The following DYNC1I1 variants were observed in gnomAD, a reference collection of about 807,000 sequenced individuals.
DYNC1I1 encodes the protein cytoplasmic dynein 1 intermediate chain 1.
Under a neutral mutation model 86.6 loss-of-function variants are expected in DYNC1I1, and 43 were observed. The observed-to-expected ratio is 0.50, with a 90% confidence interval of 0.39 to 0.64. The LOEUF is 0.64. Ranked by LOEUF, DYNC1I1 falls within the 30% of genes least tolerant of loss-of-function variation. The pLI is 0.00. For missense variants in DYNC1I1, 604 were observed against 788.8 expected (o/e 0.77, Z 2.81); for synonymous variants, 262 against 283.7 (o/e 0.92, Z 0.77).
At chr7:95,831,105 G>A (rs1584260020) in intron 5 of DYNC1I1, among the ~76,000 whole-genome samples, 1 of 151,966 alleles carries the variant, frequency 6.6e-6, no homozygotes, top group African/African-American at 2.4e-5. Flanking sequence ...AAAGTTCTTC[G>A]TATGTTCTGG....
At chr7:96,025,126 C>G (rs915304123) in intron 10 of DYNC1I1, among the ~76,000 whole-genome samples, 3 of 152,066 alleles carry the variant, frequency 2.0e-5, no homozygotes, top group Non-Finnish European at 4.4e-5. Context: ...TGTTGGCCAC[C>G]ATTACATCAA....
intron 5 of DYNC1I1, among the ~76,000 whole-genome samples, chr7:95,839,707 T>C (rs1397276846): frequency 1.3e-5 from 2 of 152,230 alleles, no homozygotes; most frequent in African/African-American, 4.8e-5. Flanking sequence ...AATCCTTTCA[T>C]TTCAAGTTGA....
chr7:96,045,970 G>A (rs184600810), intron 14 of DYNC1I1, among the ~76,000 whole-genome samples: 2 of 152,318 alleles, frequency 1.3e-5, no homozygotes, highest in Admixed American at 6.5e-5. Flanking sequence ...AATGAGGTTA[G>A]CATGAAGGGA....
At chr7:96,065,718 G>A (rs891935789) in intron 14 of DYNC1I1, among the ~76,000 whole-genome samples, 8 of 152,002 alleles carry the variant, frequency 5.3e-5, no homozygotes, top group African/African-American at 1.5e-4. Flanking sequence ...ACAGCACCTC[G>A]TGTGACTGAT....
At chr7:96,016,973 C>T (rs1196618438) in intron 10 of DYNC1I1, among the ~76,000 whole-genome samples, 1 of 152,138 alleles carries the variant, frequency 6.6e-6, no homozygotes, top group Non-Finnish European at 1.5e-5. Flanking sequence ...TTCTCAGAAA[C>T]CCCAAACATT....
At chr7:96,029,456 A>G (rs971336242) in intron 11 of DYNC1I1, among the ~76,000 whole-genome samples, 2 of 152,170 alleles carry the variant, frequency 1.3e-5, no homozygotes, top group Admixed American at 6.5e-5. Flanking sequence ...TGAAATTTCC[A>G]AAATTGTAAA....
At chr7:95,954,589 A>C (rs944953068) in intron 6 of DYNC1I1, among the ~76,000 whole-genome samples, 5 of 152,016 alleles carry the variant, frequency 3.3e-5, no homozygotes, top group Non-Finnish European at 7.4e-5. Context: ...TAATATTCTG[A>C]CTTTATGTTA....
chr7:96,034,334 C>A (rs1385424164), intron 12 of DYNC1I1, among the ~76,000 whole-genome samples: 1 of 152,044 alleles, frequency 6.6e-6, no homozygotes, highest in African/African-American at 2.4e-5. Flanking sequence ...TAAGAGCAAG[C>A]CCACTATTTA....
At chr7:95,912,233 C>T (rs1055566549) in intron 6 of DYNC1I1, among the ~76,000 whole-genome samples, 3 of 152,146 alleles carry the variant, frequency 2.0e-5, no homozygotes, top group Non-Finnish European at 4.4e-5. Context: ...GAGGGGGTTT[C>T]ACCATGTTGG....
chr7:95,971,389 A>T (rs377043431), intron 6 of DYNC1I1, among the ~76,000 whole-genome samples: 1 of 152,360 alleles, frequency 6.6e-6, no homozygotes, highest in South Asian at 2.1e-4. Context: ...TTAAAAATTT[A>T]AAAATATGTT....
At position 95,910,449 on chromosome 7, in the gene DYNC1I1, C is replaced by G. The variant is rs1427705100; in HGVS notation, c.490+40451C>G. The stretch of plus-strand genomic sequence containing the variant: ...GCCCTTCATCCATGCATGTATAATC[C>G]ATGTAAAGTGGACACTTATCCCTGG... On this transcript the variant is annotated intron_variant, in intron 6 of 16. Transcript: ENST00000447467. Among the ~76,000 whole-genome samples, 3 of 152,166 alleles carry G rather than the reference C, an allele frequency of 2.0e-5. No individual in the cohort carries two copies. The East Asian group carries it at 5.8e-4, about 29-fold the overall frequency.
intron 5 of DYNC1I1, among the ~76,000 whole-genome samples, chr7:95,836,337 G>A (rs576031574): frequency 3.3e-5 from 5 of 152,098 alleles, no homozygotes; most frequent in South Asian, 2.1e-4. Flanking sequence ...CGAGAGATCC[G>A]CTGTTAGTCT....
chr7:95,992,995 G>C (rs1299600121), intron 9 of DYNC1I1, among the ~76,000 whole-genome samples: 1 of 152,090 alleles, frequency 6.6e-6, no homozygotes, highest in Non-Finnish European at 1.5e-5. Flanking sequence ...AATTCTCCTA[G>C]GGTAAGTATT....
chr7:96,018,877 G>C (rs1794470603), intron 10 of DYNC1I1, among the ~76,000 whole-genome samples: 1 of 152,144 alleles, frequency 6.6e-6, no homozygotes, highest in South Asian at 2.1e-4. Flanking sequence ...ATCCCACAAT[G>C]ATACTGGGTC....
At chr7:95,811,044 G>T (rs1490998470) in intron 3 of DYNC1I1, among the ~76,000 whole-genome samples, 1 of 152,130 alleles carries the variant, frequency 6.6e-6, no homozygotes, top group Non-Finnish European at 1.5e-5. Context: ...ATTGTATTTT[G>T]ATTTGATTAC....
At chr7:96,091,417 A>G (rs1790842492) in intron 16 of DYNC1I1, among the ~76,000 whole-genome samples, 1 of 152,200 alleles carries the variant, frequency 6.6e-6, no homozygotes, top group East Asian at 1.9e-4. Flanking sequence ...AAAAATTACA[A>G]AGAGGCTGAT....
chr7:96,018,336 A>T (rs1472590202), intron 10 of DYNC1I1, among the ~76,000 whole-genome samples: 1 of 152,216 alleles, frequency 6.6e-6, no homozygotes, highest in Admixed American at 6.5e-5. Flanking sequence ...CTGTGGTTCA[A>T]ATCTGGACTT....
downstream of DYNC1I1, among the ~76,000 whole-genome samples, chr7:96,099,860 T>G (rs1184674551): frequency 6.6e-6 from 1 of 152,190 alleles, no homozygotes; most frequent in Admixed American, 6.6e-5. Context: ...CCTAGGTTTC[T>G]TGGCACAATC....
At chr7:95,790,107 C>T (rs1794254801) in intron 1 of DYNC1I1, among the ~76,000 whole-genome samples, 1 of 152,168 alleles carries the variant, frequency 6.6e-6, no homozygotes, top group South Asian at 2.1e-4. Flanking sequence ...TGTTTCCCTT[C>T]TGCGTACAGA....
Sources: allele counts gnomAD v4.1 joint callset (sites outside exome capture counted in the v4.1 genomes callset), GRCh38; gene constraint gnomAD v4.1.1; transcripts MANE v1.5; gene names NCBI Gene and HGNC (gene_info 2026-07-23, HGNC 2026-07-21).